AGFG1: variants seen among roughly 807,000 people sequenced by gnomAD.
AGFG1 encodes the protein ArfGAP with FG repeats 1, also known as arf-GAP domain and FG repeat-containing protein 1.
A neutral mutation model predicts 60.6 loss-of-function variants in AGFG1; 10 were observed. The ratio of observed to expected loss-of-function variants is 0.16; its 90% CI spans 0.10 to 0.28. AGFG1 has a LOEUF of 0.28. Among genes scored for constraint, AGFG1 ranks in the 10% least tolerant of loss-of-function variants. AGFG1 has a pLI of 1.00. For missense variants in AGFG1, 537 were observed against 676.5 expected, an observed-to-expected ratio of 0.79 and a Z score of 2.29; for synonymous variants, 247 against 242.9, an observed-to-expected ratio of 1.02 and a Z score of -0.16.
At chr2:227,503,708 A>G (rs1210576736) in intron 2 of AGFG1, among the ~76,000 whole-genome samples, 3 of 152,214 alleles carry the variant, frequency 2.0e-5, no homozygotes, top group Non-Finnish European at 4.4e-5. Context: ...TCTGAGTGTC[A>G]CTGTGGTGGA....
chr2:227,514,440 C>T (rs557680983), intron 2 of AGFG1, among the ~76,000 whole-genome samples: 38 of 151,996 alleles, frequency 2.5e-4, no homozygotes, highest in Non-Finnish European at 5.1e-4. Context: ...CTGGTCTTTA[C>T]CTCCTGACCC....
At chr2:227,538,431 T>C (rs7340319) in intron 10 of AGFG1, among the ~76,000 whole-genome samples, 130 of 152,350 alleles carry the variant, frequency 8.5e-4, no homozygotes, top group African/African-American at 2.9e-3. Context: ...TTCAAACATT[T>C]ATTGTGATAA....
chr2:227,531,155 TA>T lies in AGFG1; in HGVS notation c.761del (p.Asn254IlefsTer25). 6.2e-7 allele frequency: 1 copy of T among 1,613,754 alleles called. No individual in the cohort carries two copies. Among genetic ancestry groups the T allele is most frequent in the Non-Finnish European group, 8.5e-7 (1 of 1,179,758 alleles). ...CATTTGGACAGTCTAGTGGTTCGAGTAATTTTGGAGGTTTCCCCACAGCAAG... is the reference window on the plus strand; with the variant it reads ...CATTTGGACAGTCTAGTGGTTCGAGTATTTTGGAGGTTTCCCCACAGCAAG... ...DAFGQSSGSS[N>X]FGGFPTASHS... is the part of the protein sequence containing the mutation. On this transcript the variant is annotated frameshift_variant, in exon 6 of 13. Transcript: ENST00000310078. LOFTEE classifies it high-confidence loss of function.
chr2:227,559,210 C>CT lies in AGFG1; in HGVS notation c.*4720dup, dbSNP rs1199218737. The CT allele has an allele frequency of 2.0e-5, 3 of 152,172 alleles. No homozygotes were observed. Among genetic ancestry groups the CT allele is most frequent in the Non-Finnish European group, 4.4e-5 (3 of 68,036 alleles). 9.4% of individuals were successfully genotyped at this position (152,172 alleles called of 1,614,324 possible). ...TTAAAACGTTGCATTCTGAATCCAT[C>CT]TTTTTGAAATGGGGCATGTACTCTT... is the stretch of plus-strand genomic sequence containing the variant. On this transcript the variant is annotated 3_prime_UTR_variant, in exon 13 of 13. Coordinates refer to ENST00000310078, the MANE Select transcript of AGFG1 (RefSeq NM_004504.5).
chr2:227,554,653 A>G lies in AGFG1; in HGVS notation c.*158A>G. ...TATTAAACACCAGGTAATATGTGCA[A>G]AACCGAGGGCTCCAGTAACACCTTC... On this transcript the variant is annotated 3_prime_UTR_variant, in exon 13 of 13. Coordinates refer to ENST00000310078, the MANE Select transcript of AGFG1 (RefSeq NM_004504.5). 1 of 575,776 alleles carries G rather than the reference A, an allele frequency of 1.7e-6. No individual in the cohort carries two copies. The highest frequency in any genetic ancestry group is 3.0e-6 in the Non-Finnish European group (1 of 332,492). The allele number at this position is 575,776 out of a possible 1,614,324, so 35.7% of individuals were successfully genotyped here.
chr2:227,513,771 T>C (rs1691568234), intron 2 of AGFG1, among the ~76,000 whole-genome samples: 3 of 152,238 alleles, frequency 2.0e-5, no homozygotes, highest in Admixed American at 1.3e-4. Flanking sequence ...ATTCCAATTA[T>C]AGAGTGGATT....
chr2:227,493,992 A>G (rs1430568645), intron 2 of AGFG1, among the ~76,000 whole-genome samples: 1 of 152,222 alleles, frequency 6.6e-6, no homozygotes, highest in Non-Finnish European at 1.5e-5. Context: ...GTACAAAAAG[A>G]AAAAGGGAAA....
intron 1 of AGFG1, among the ~76,000 whole-genome samples, chr2:227,478,864 A>G (rs115775516): frequency 0.017 from 2,536 of 152,334 alleles, 30 homozygotes; most frequent in Middle Eastern, 0.031. Flanking sequence ...TCCATGGTCA[A>G]ATAACAGCTT....
At position 227,552,131 on chromosome 2, in the gene AGFG1, T is replaced by A. The variant is rs1464393949; in HGVS notation, c.1537+14T>A. 6.2e-7 allele frequency: 1 copy of A among 1,614,044 alleles called. No individual in the cohort carries two copies. On this transcript the variant is annotated intron_variant, in intron 11 of 12. Coordinates refer to ENST00000310078, the MANE Select transcript of AGFG1 (RefSeq NM_004504.5). ...AACAGCCCAATGGTAAGATCTAACA[T>A]TTGGCGAGCTGTAAGTTCATTTTAT...
At chr2:227,477,398 C>CT (rs1435307763) in intron 1 of AGFG1, among the ~76,000 whole-genome samples, 4 of 152,096 alleles carry the variant, frequency 2.6e-5, no homozygotes, top group African/African-American at 9.7e-5. Context: ...CCAAGCTCAA[C>CT]TTTAAGTTGT....
intron 1 of AGFG1, among the ~76,000 whole-genome samples, chr2:227,487,667 C>T (rs891762301): frequency 3.3e-5 from 4 of 122,180 alleles, no homozygotes; most frequent in Admixed American, 1.1e-4. Flanking sequence ...TAATGAGGTT[C>T]TTAATAAAAA....
intron 2 of AGFG1, among the ~76,000 whole-genome samples, chr2:227,507,933 T>C (rs937374215): frequency 2.6e-5 from 4 of 152,178 alleles, no homozygotes; most frequent in Non-Finnish European, 4.4e-5. Context: ...TGAGGTAATC[T>C]GTTTTTGAAA....
At chr2:227,525,099 T>G (rs1435828919) in intron 5 of AGFG1, among the ~76,000 whole-genome samples, 184 bp downstream of exon 5, 2 of 152,236 alleles carry the variant, frequency 1.3e-5, no homozygotes, top group Non-Finnish European at 2.9e-5. Flanking sequence ...GAAGAGATTA[T>G]ATTTAATGTC....
intron 2 of AGFG1, among the ~76,000 whole-genome samples, chr2:227,501,090 A>G (rs960094654): frequency 2.0e-5 from 3 of 151,606 alleles, no homozygotes; most frequent in African/African-American, 7.3e-5. Context: ...CACCGTGCCC[A>G]GCCTAATTTT....
chr2:227,487,766 G>A (rs1265430944), intron 1 of AGFG1, among the ~76,000 whole-genome samples: 2 of 152,268 alleles, frequency 1.3e-5, no homozygotes, highest in Non-Finnish European at 2.9e-5. Flanking sequence ...GTATAGGGGC[G>A]AGACTACTCA....
chr2:227,516,286 C>T (rs1691648275), intron 2 of AGFG1, among the ~76,000 whole-genome samples: 1 of 152,170 alleles, frequency 6.6e-6, no homozygotes, highest in Non-Finnish European at 1.5e-5. Context: ...ATTTGCATTT[C>T]CAACAAGTTC....
chr2:227,557,356 C>T lies in AGFG1; in HGVS notation c.*2861C>T, dbSNP rs2106250645. On this transcript the variant is annotated 3_prime_UTR_variant, in exon 13 of 13. Transcript: ENST00000310078. ...GTCCTTCTGTTAATTTGTAAAAGCA[C>T]ATTAGTGCTTTACCTGTGAAATTCC... 1 of 152,246 alleles carries T rather than the reference C, an allele frequency of 6.6e-6. No homozygotes were observed. The highest frequency in any genetic ancestry group is 6.5e-5 in the Admixed American group (1 of 15,292). The allele number at this position is 152,246 out of a possible 1,614,324, so 9.4% of individuals were successfully genotyped here.
intron 1 of AGFG1, among the ~76,000 whole-genome samples, chr2:227,484,469 G>A (rs1048586746): frequency 1.1e-4 from 16 of 152,042 alleles, no homozygotes; most frequent in African/African-American, 2.7e-4. Flanking sequence ...GTGAGCCACC[G>A]CGCCTGGCTC....
At chr2:227,514,517 T>C (rs943976282) in intron 2 of AGFG1, among the ~76,000 whole-genome samples, 2 of 152,210 alleles carry the variant, frequency 1.3e-5, no homozygotes, top group African/African-American at 2.4e-5. Flanking sequence ...TTAAAGTTTA[T>C]ATACCTGTTC....
Sources: allele counts gnomAD v4.1 joint callset (sites outside exome capture counted in the v4.1 genomes callset), GRCh38; gene constraint gnomAD v4.1.1; transcripts MANE v1.5; gene names NCBI Gene and HGNC (gene_info 2026-07-23, HGNC 2026-07-21).